Variants in THSD7B observed in about 807,000 individuals in gnomAD.
The protein encoded by THSD7B is thrombospondin type 1 domain containing 7B.
A neutral mutation model predicts 213.6 loss-of-function variants in THSD7B; 138 were observed. That is an observed-to-expected ratio of 0.65 (90% CI 0.56 to 0.74). The LOEUF (loss-of-function observed/expected upper bound fraction) is 0.74, where lower values mean the gene tolerates loss of function less well. THSD7B is among the 30% of genes least tolerant of loss of function. The pLI is 0.00. For missense variants in THSD7B, 1,931 were observed against 1,991.5 expected, an observed-to-expected ratio of 0.97 and a Z score of 0.58; for synonymous variants, 742 against 687.0, an observed-to-expected ratio of 1.08 and a Z score of -1.25.
At chr2:137,473,208 A>ATTTG (rs572015759) in intron 15 of THSD7B, among the ~76,000 whole-genome samples, 18 of 150,598 alleles carry the variant, frequency 1.2e-4, no homozygotes, top group Non-Finnish European at 1.6e-4. Flanking sequence ...TAATATTATT[A>ATTTG]TTTGTTTGTT....
rs569237144 is a variant in THSD7B at position 137,160,251 on chromosome 2, G to A, written c.1408G>A (p.Ala470Thr). Residue 470 changes from alanine to threonine, a missense_variant, in exon 6 of 28, where the codon GCC (alanine) becomes ACC (threonine). Ala to Thr is a moderately conservative substitution (Grantham distance 58). Transcript: ENST00000409968. Reference protein sequence around the residue: ...PVEKALCVGPAPLPSQLCNIP... With the variant: ...PVEKALCVGPTPLPSQLCNIP... ...GGAAAAGGCATTATGTGTGGGACCC[G>A]CCCCGTTGCCCTCTCAGCTCTGCAA... 93 of 1,613,534 alleles carry A rather than the reference G, an allele frequency of 5.8e-5. No individual in the cohort carries two copies. Among genetic ancestry groups the A allele is most frequent in the African/African-American group, 1.9e-4 (14 of 75,014 alleles).
At chr2:137,101,947 G>A (rs1350127118) in intron 4 of THSD7B, among the ~76,000 whole-genome samples, 2 of 152,202 alleles carry the variant, frequency 1.3e-5, no homozygotes, top group Non-Finnish European at 2.9e-5. Context: ...GGGGGAAGGC[G>A]CAGCTGCGGT....
intron 4 of THSD7B, 56 bp from the exon 5 acceptor site, chr2:137,115,068 G>C (rs979478667): frequency 1.2e-6 from 2 of 1,601,952 alleles, no homozygotes; most frequent in African/African-American, 2.7e-5. Context: ...GTTTTCCTCA[G>C]AGTTGTATAT....
intron 5 of THSD7B, among the ~76,000 whole-genome samples, chr2:137,121,349 T>C (rs749529030): frequency 1.3e-5 from 2 of 152,116 alleles, no homozygotes; most frequent in African/African-American, 4.8e-5. Context: ...ATAAATGGCT[T>C]ATGGAAAAAT....
chr2:137,277,758 A>G (rs1350967825), intron 12 of THSD7B, among the ~76,000 whole-genome samples: 1 of 152,084 alleles, frequency 6.6e-6, no homozygotes, highest in African/African-American at 2.4e-5. Context: ...GGAGAGAAAT[A>G]AAATGGTATA....
At chr2:136,789,202 C>T (rs1465349231) in intron 1 of THSD7B, among the ~76,000 whole-genome samples, 2 of 151,904 alleles carry the variant, frequency 1.3e-5, no homozygotes, top group Admixed American at 1.3e-4. Flanking sequence ...TTTGAAACTG[C>T]TTCCAGGCCA....
chr2:137,194,819 A>G (rs1381748174), intron 7 of THSD7B, among the ~76,000 whole-genome samples: 4 of 152,108 alleles, frequency 2.6e-5, no homozygotes, highest in Admixed American at 1.3e-4. Flanking sequence ...TAATTTTATC[A>G]TTGACTCTCT....
At chr2:137,506,543 C>T (rs559790915) in intron 15 of THSD7B, among the ~76,000 whole-genome samples, 5 of 152,378 alleles carry the variant, frequency 3.3e-5, no homozygotes, top group Admixed American at 3.3e-4. Flanking sequence ...GACTCTCAAA[C>T]GCTGCTTTGT....
At chr2:137,251,076 A>G (rs1388981074) in intron 10 of THSD7B, among the ~76,000 whole-genome samples, 1 of 152,212 alleles carries the variant, frequency 6.6e-6, no homozygotes, top group Non-Finnish European at 1.5e-5. Flanking sequence ...GTACCAAGAA[A>G]TAAACTTAAG....
chr2:137,243,929 C>T (rs1207771499), intron 10 of THSD7B, among the ~76,000 whole-genome samples: 1 of 152,170 alleles, frequency 6.6e-6, no homozygotes, highest in East Asian at 1.9e-4. Context: ...TTTGAAAATA[C>T]AGTGCTTTAT....
chr2:137,534,909 A>G lies in THSD7B; in HGVS notation c.3139-28312A>G, dbSNP rs190185533. Among the ~76,000 whole-genome samples the G allele has an allele frequency of 2.3e-3, 347 of 151,954 alleles. 2 individuals carry two copies. Among genetic ancestry groups the G allele is most frequent in the Non-Finnish European group, 3.6e-3 (246 of 67,830 alleles). On this transcript the variant is annotated intron_variant, in intron 15 of 27. Coordinates refer to ENST00000409968, the MANE Select transcript of THSD7B (RefSeq NM_001316349.2). ...AATTATAAAATTTCACAAGAAAAAT[A>G]TAGACATATTCAATTCATATATCCT...
At chr2:137,095,213 T>C in intron 4 of THSD7B, 92 bp downstream of exon 4, 1 of 1,480,318 alleles carries the variant, frequency 6.8e-7, no homozygotes, top group Non-Finnish European at 9.2e-7. Flanking sequence ...GTGACTCATA[T>C]TTATTGAGTC....
At chr2:137,653,315 A>G (rs1275029399) in intron 21 of THSD7B, among the ~76,000 whole-genome samples, 2 of 151,844 alleles carry the variant, frequency 1.3e-5, no homozygotes, top group Non-Finnish European at 1.5e-5. Context: ...GCTCCTTTAT[A>G]TGTTGTTTGC....
intron 5 of THSD7B, among the ~76,000 whole-genome samples, chr2:137,149,475 T>C (rs1029486791): frequency 2.6e-5 from 4 of 152,282 alleles, no homozygotes; most frequent in African/African-American, 9.6e-5. Flanking sequence ...TGGGACCTAG[T>C]GAATCCCATG....
At chr2:137,164,097 G>T (rs1431992679) in intron 6 of THSD7B, among the ~76,000 whole-genome samples, 1 of 152,102 alleles carries the variant, frequency 6.6e-6, no homozygotes, top group African/African-American at 2.4e-5. Flanking sequence ...AAGTTATGGG[G>T]CATGGGATGT....
chr2:137,565,471 C>T (rs188318637), intron 16 of THSD7B, among the ~76,000 whole-genome samples: 28 of 152,194 alleles, frequency 1.8e-4, no homozygotes, highest in Admixed American at 1.2e-3. Context: ...TCAACTCCCA[C>T]GACAACAAAC....
intron 20 of THSD7B, among the ~76,000 whole-genome samples, chr2:137,628,684 G>T (rs1682682071): frequency 6.6e-6 from 1 of 152,174 alleles, no homozygotes; most frequent in African/African-American, 2.4e-5. Flanking sequence ...TGGGATGTTT[G>T]TTTCTCTCAG....
chr2:137,459,924 TCAGG>T (rs1317971859), intron 15 of THSD7B, among the ~76,000 whole-genome samples: 3 of 152,166 alleles, frequency 2.0e-5, no homozygotes, highest in Admixed American at 6.5e-5. Context: ...GTTCTTCTGA[TCAGG>T]CAGGTTTGTG....
intron 2 of THSD7B, among the ~76,000 whole-genome samples, chr2:136,891,791 C>G (rs182522260): frequency 6.6e-6 from 1 of 152,190 alleles, no homozygotes; most frequent in East Asian, 1.9e-4. Flanking sequence ...TTGCAATTCT[C>G]TATTGCTGTG....
Sources: gnomAD v4.1 joint callset for allele counts (sites outside exome capture counted in the v4.1 genomes callset) on GRCh38, gnomAD v4.1.1 for gene constraint, MANE v1.5 for transcripts, NCBI Gene and HGNC (gene_info 2026-07-23, HGNC 2026-07-21) for gene names.